The following KLHL2 variants were observed in gnomAD, a reference collection of about 807,000 sequenced individuals.
KLHL2 encodes the protein kelch-like protein 2.
Under a neutral mutation model 75.8 loss-of-function variants are expected in KLHL2, and 15 were observed. The ratio of observed to expected loss-of-function variants is 0.20; its 90% CI spans 0.13 to 0.30. KLHL2 has a LOEUF of 0.30. Among genes scored for constraint, KLHL2 ranks in the 10% least tolerant of loss-of-function variants. The pLI is 1.00. For missense variants in KLHL2, 381 were observed against 741.0 expected (o/e 0.51, Z 5.64); for synonymous variants, 214 against 251.9 (o/e 0.85, Z 1.42).
At chr4:165,277,673 T>G in intron 5 of KLHL2, 1 of 490,168 alleles carries the variant, frequency 2.0e-6, no homozygotes, top group Non-Finnish European at 3.7e-6. Context: ...TTAGAGGGAA[T>G]GGAGCAGGAT....
chr4:165,262,311 C>A (rs947273010), intron 4 of KLHL2, among the ~76,000 whole-genome samples: 1 of 152,110 alleles, frequency 6.6e-6, no homozygotes, highest in Admixed American at 6.6e-5. Context: ...ATATTACATT[C>A]TAGAGAAACT....
At chr4:165,321,505 GTTAA>G (rs1746975903) in intron 14 of KLHL2, 3 of 311,618 alleles carry the variant, frequency 9.6e-6, no homozygotes, top group Admixed American at 4.6e-5. Context: ...TAAAATATGT[GTTAA>G]TTGACTGTAT....
chr4:165,238,711 A>T (rs3817234), intron 3 of KLHL2, 67 bp from the exon 4 acceptor site: 2 of 1,600,518 alleles, frequency 1.2e-6, no homozygotes, highest in African/African-American at 1.4e-5. Context: ...GTATCAATCT[A>T]CATTGGCATT....
intron 5 of KLHL2, among the ~76,000 whole-genome samples, chr4:165,268,299 T>C (rs1278446447): frequency 6.6e-6 from 1 of 152,320 alleles, no homozygotes; most frequent in East Asian, 1.9e-4. Context: ...GGGTTTTTTG[T>C]GTCTCTGTCT....
intron 9 of KLHL2, among the ~76,000 whole-genome samples, chr4:165,308,695 G>A (rs1745917525): frequency 6.6e-6 from 1 of 152,150 alleles, no homozygotes; most frequent in Non-Finnish European, 1.5e-5. Context: ...GTGTTATTTT[G>A]TGGGTAGAGA....
At chr4:165,235,483 G>C (rs1739263765) in intron 3 of KLHL2, among the ~76,000 whole-genome samples, 1 of 152,244 alleles carries the variant, frequency 6.6e-6, no homozygotes, top group African/African-American at 2.4e-5. Context: ...TTACAGGCAT[G>C]AGCCCCTGTG....
chr4:165,226,221 C>T (rs1338595231), intron 2 of KLHL2, among the ~76,000 whole-genome samples: 1 of 152,238 alleles, frequency 6.6e-6, no homozygotes, highest in Non-Finnish European at 1.5e-5. Flanking sequence ...AGAGACCATG[C>T]ATGCTCTGCT....
chr4:165,231,316 G>A (rs747533843), intron 3 of KLHL2, among the ~76,000 whole-genome samples: 12 of 152,194 alleles, frequency 7.9e-5, no homozygotes, highest in Middle Eastern at 3.4e-3. Flanking sequence ...TAGTGTGGTG[G>A]CACTAGTCTA....
At chr4:165,212,093 A>C (rs1272504385) in intron 1 of KLHL2, among the ~76,000 whole-genome samples, 2 of 152,126 alleles carry the variant, frequency 1.3e-5, no homozygotes, top group Non-Finnish European at 2.9e-5. Flanking sequence ...ATCCAAATGC[A>C]TTTACTCTTT....
At chr4:165,212,464 C>T (rs1016193069) in intron 1 of KLHL2, among the ~76,000 whole-genome samples, 6 of 152,130 alleles carry the variant, frequency 3.9e-5, no homozygotes, top group South Asian at 4.1e-4. Flanking sequence ...TTGTGTGTTA[C>T]GCACTGTACT....
At chr4:165,234,492 ATCT>A (rs1477133159) in intron 3 of KLHL2, among the ~76,000 whole-genome samples, 6 of 151,862 alleles carry the variant, frequency 4.0e-5, no homozygotes, top group Admixed American at 3.9e-4. Flanking sequence ...TTTAGCGTTT[ATCT>A]TTTTAAACCT....
chr4:165,281,258 T>G (rs1743649304), intron 5 of KLHL2, among the ~76,000 whole-genome samples: 3 of 151,786 alleles, frequency 2.0e-5, no homozygotes, highest in African/African-American at 7.3e-5. Flanking sequence ...TTGTTGATTT[T>G]ATTACACTTA....
chr4:165,294,636 A>G (rs546599182), intron 6 of KLHL2, among the ~76,000 whole-genome samples, 168 bp downstream of exon 6: 3 of 151,970 alleles, frequency 2.0e-5, no homozygotes, highest in South Asian at 4.1e-4. Flanking sequence ...ATTCCAGGAG[A>G]AAAAAAAGAA....
intron 2 of KLHL2, among the ~76,000 whole-genome samples, chr4:165,220,487 G>C (rs1431765197): frequency 6.6e-6 from 1 of 152,110 alleles, no homozygotes; most frequent in African/African-American, 2.4e-5. Flanking sequence ...TGAGAGGCCA[G>C]GGCAGGAGGA....
rs960104246 is a variant in KLHL2 at position 165,307,115 on chromosome 4, C to T, written c.1039+1390C>T. On this transcript the variant is annotated intron_variant, in intron 9 of 14. Transcript: ENST00000226725. ...ACAAGGTCAGAAGCTTGAGACCAGC[C>T]TGGCCAACATGATGAAACCCCTTCT... Among the ~76,000 whole-genome samples the T allele has an allele frequency of 5.3e-5, 8 of 152,292 alleles. No individual in the cohort carries two copies. The East Asian group carries it at 9.6e-4, about 18-fold the overall frequency.
chr4:165,300,730 A>T (rs1745286899), intron 8 of KLHL2, among the ~76,000 whole-genome samples: 1 of 152,144 alleles, frequency 6.6e-6, no homozygotes, highest in Non-Finnish European at 1.5e-5. Flanking sequence ...TAATATAAAG[A>T]CTTTATTTAT....
chr4:165,261,306 G>C (rs948190936), intron 4 of KLHL2, among the ~76,000 whole-genome samples: 2 of 152,116 alleles, frequency 1.3e-5, no homozygotes, highest in East Asian at 3.8e-4. Context: ...CATGCAAAAA[G>C]TTTGGCTGTA....
intron 4 of KLHL2, among the ~76,000 whole-genome samples, chr4:165,261,901 C>T (rs960838639): frequency 2.0e-5 from 3 of 152,086 alleles, no homozygotes; most frequent in Non-Finnish European, 2.9e-5. Context: ...AAGTCAATTT[C>T]TGAAGGAACT....
In KLHL2 at chr4:165,310,948, G is replaced by A. The variant is rs567499919; in HGVS notation, c.1237+198G>A. ...CGGCTCACTGCAAGCTCCGCCTGCC[G>A]GGTTCATGCCATTCTCCTGCCTCAG... On this transcript the variant is annotated intron_variant, in intron 10 of 14. Coordinates refer to ENST00000226725, the MANE Select transcript of KLHL2 (RefSeq NM_007246.4). 5.3e-5 allele frequency among the ~76,000 whole-genome samples: 8 copies of A among 150,568 alleles called. No individual in the cohort carries two copies. In the South Asian group the frequency reaches 1.0e-3, roughly 20 times the overall value.
Sources: allele counts gnomAD v4.1 joint callset (sites outside exome capture counted in the v4.1 genomes callset), GRCh38; gene constraint gnomAD v4.1.1; transcripts MANE v1.5; gene names NCBI Gene and HGNC (gene_info 2026-07-23, HGNC 2026-07-21).